The following MYLK variants were observed in gnomAD, a reference collection of about 807,000 sequenced individuals.
The protein encoded by MYLK is myosin light chain kinase, also known as myosin light chain kinase, smooth muscle.
In MYLK, 106 loss-of-function variants were observed where a neutral mutation model predicts 203.4. The observed-to-expected ratio is 0.52, with a 90% CI of 0.45 to 0.61. The LOEUF (loss-of-function observed/expected upper bound fraction) is 0.61, where lower values mean the gene tolerates loss of function less well. MYLK is among the 20% of genes least tolerant of loss of function. MYLK has a pLI of 0.00. For synonymous variants in MYLK, 867 were observed against 959.5 expected, an observed-to-expected ratio of 0.90 and a Z score of 1.78; for missense variants, 2,072 against 2,442.3, an observed-to-expected ratio of 0.85 and a Z score of 3.20.
chr3:123,812,106 C>CTA (rs1560248644), intron 3 of MYLK, among the ~76,000 whole-genome samples: 5 of 152,140 alleles, frequency 3.3e-5, no homozygotes, highest in Non-Finnish European at 5.9e-5. Flanking sequence ...TCAGAGTCAG[C>CTA]GATAGAGATT....
At chr3:123,810,361 T>C (rs1401262077) in intron 3 of MYLK, among the ~76,000 whole-genome samples, 2 of 151,902 alleles carry the variant, frequency 1.3e-5, no homozygotes, top group African/African-American at 2.4e-5. Context: ...GAACGAAGAG[T>C]TCAATCTGCA....
intron 24 of MYLK, among the ~76,000 whole-genome samples, chr3:123,650,084 C>G (rs1254391): frequency 6.6e-6 from 1 of 152,160 alleles, no homozygotes; most frequent in Non-Finnish European, 1.5e-5. Flanking sequence ...CAGCACAGCA[C>G]GCCCACTTCA....
chr3:123,864,249 A>C (rs2032158517), intron 2 of MYLK, among the ~76,000 whole-genome samples: 1 of 152,214 alleles, frequency 6.6e-6, no homozygotes, highest in Admixed American at 6.6e-5. Flanking sequence ...GTAATGTCCA[A>C]ATCTTGAAAG....
At chr3:123,626,395 GTC>G (rs1482231495) in intron 31 of MYLK, among the ~76,000 whole-genome samples, 1 of 152,220 alleles carries the variant, frequency 6.6e-6, no homozygotes, top group Non-Finnish European at 1.5e-5. Context: ...GTGGGACCAT[GTC>G]TCTCTCTTTA....
chr3:123,804,618 G>A (rs1037968605), intron 3 of MYLK, among the ~76,000 whole-genome samples: 1 of 152,170 alleles, frequency 6.6e-6, no homozygotes. Flanking sequence ...TTTCTGCAGG[G>A]AGCTGGTTCT....
chr3:123,836,830 G>T (rs186564739), intron 2 of MYLK, among the ~76,000 whole-genome samples: 7 of 152,164 alleles, frequency 4.6e-5, no homozygotes, highest in African/African-American at 1.7e-4. Flanking sequence ...TGACCACTAG[G>T]TAGAACTCAA....
rs200095645 is a variant in MYLK, at chr3:123,793,686, G to A, written c.156C>T (p.Phe52=). 5.0e-6 allele frequency: 8 copies of A among 1,614,086 alleles called. No homozygotes were observed. In the African/African-American group the frequency reaches 5.3e-5, roughly 11 times the overall value. Residue 52 remains phenylalanine (F), a synonymous_variant, in exon 4 of 34, where the codon TTC becomes TTT. Transcript: ENST00000360304. The part of the protein sequence containing the change: ...LCIKEGATAK[F]EGRVRGYPEP... Reference sequence around the variant, plus strand: ...CAGCCACACTTCTTACCCGCCCTTCGAACTTGGCGGTGGCTCCTTCTTTGA... The same window carrying A: ...CAGCCACACTTCTTACCCGCCCTTCAAACTTGGCGGTGGCTCCTTCTTTGA...
At chr3:123,703,763 G>A (rs2061343411) in intron 16 of MYLK, among the ~76,000 whole-genome samples, 1 of 152,214 alleles carries the variant, frequency 6.6e-6, no homozygotes, top group Non-Finnish European at 1.5e-5. Flanking sequence ...ACAGCCTTGT[G>A]GTGCCTGGGT....
intron 18 of MYLK, among the ~76,000 whole-genome samples, chr3:123,694,844 C>T (rs1291056170): frequency 6.6e-6 from 1 of 152,240 alleles, no homozygotes; most frequent in African/African-American, 2.4e-5. Flanking sequence ...GGCTTGGCTA[C>T]CCCAGATGAA....
intron 27 of MYLK, among the ~76,000 whole-genome samples, chr3:123,641,391 A>C (rs1323401858): frequency 6.6e-6 from 1 of 152,118 alleles, no homozygotes; most frequent in Non-Finnish European, 1.5e-5. Context: ...CTGGTAACTT[A>C]TGCAGCACCC....
intron 23 of MYLK, among the ~76,000 whole-genome samples, chr3:123,660,405 C>T (rs1437780165): frequency 6.6e-6 from 1 of 152,160 alleles, no homozygotes; most frequent in Admixed American, 6.5e-5. Flanking sequence ...TGAAAAGAGA[C>T]CTGCTTTTCT....
At chr3:123,697,538 G>A (rs1051489493) in intron 18 of MYLK, among the ~76,000 whole-genome samples, 3 of 152,152 alleles carry the variant, frequency 2.0e-5, no homozygotes, top group Non-Finnish European at 2.9e-5. Context: ...CATATAGCAC[G>A]GTGGTCTAGG....
At chr3:123,731,074 G>A (rs567335612) in intron 11 of MYLK, among the ~76,000 whole-genome samples, 1 of 152,204 alleles carries the variant, frequency 6.6e-6, no homozygotes, top group African/African-American at 2.4e-5. Context: ...CTCTGGATAC[G>A]CCATTAATCT....
At position 123,682,296 on chromosome 3, in the gene MYLK, C is replaced by A; in HGVS notation, c.3580G>T (p.Glu1194Ter). 6.2e-7 allele frequency: 1 copy of A among 1,601,600 alleles called. No homozygotes were observed. Among genetic ancestry groups the A allele is most frequent in the Admixed American group, 1.7e-5 (1 of 58,148 alleles). The stretch of plus-strand genomic sequence containing the variant: ...TTCATCTCTGGGGCCTTGGTGTTCT[C>A]ACTGGCTGGAGCATCTGGAATGAAA... ...QVTVDDAPAS[E>*]NTKAPEMKSR... The change falls in exon 20 of 34, where the codon GAG becomes TAG. Residue 1194 changes from glutamate to a stop codon, truncating the protein, a stop_gained. Transcript: ENST00000360304. LOFTEE classifies it high-confidence loss of function.
At chr3:123,616,042 G>A (rs983119378) in intron 33 of MYLK, among the ~76,000 whole-genome samples, 2 of 152,140 alleles carry the variant, frequency 1.3e-5, no homozygotes, top group African/African-American at 4.8e-5. Context: ...TTTTTGGAGT[G>A]ATGAAAATGT....
chr3:123,858,946 C>T (rs2031657071), intron 2 of MYLK, among the ~76,000 whole-genome samples: 1 of 152,134 alleles, frequency 6.6e-6, no homozygotes, highest in Non-Finnish European at 1.5e-5. Context: ...GTCCCTAAAA[C>T]CGGTTATGCC....
chr3:123,801,289 G>T (rs1198231784), intron 3 of MYLK, among the ~76,000 whole-genome samples: 2 of 152,170 alleles, frequency 1.3e-5, no homozygotes, highest in Non-Finnish European at 2.9e-5. Flanking sequence ...GGCACATTTT[G>T]AGAACCACCA....
At chr3:123,616,728 A>G (rs1279002994) in intron 33 of MYLK, 2 of 152,094 alleles carry the variant, frequency 1.3e-5, no homozygotes, top group Non-Finnish European at 2.9e-5. Context: ...CTGTCATTTC[A>G]TGCGGATCTG....
intron 13 of MYLK, among the ~76,000 whole-genome samples, chr3:123,718,081 C>T (rs557686996): frequency 7.9e-5 from 12 of 152,030 alleles, no homozygotes; most frequent in African/African-American, 2.7e-4. Context: ...AAGGTGGTCT[C>T]GAACTCCTCG....
Sources: gnomAD v4.1 joint callset for allele counts (sites outside exome capture counted in the v4.1 genomes callset) on GRCh38, gnomAD v4.1.1 for gene constraint, MANE v1.5 for transcripts, NCBI Gene and HGNC (gene_info 2026-07-23, HGNC 2026-07-21) for gene names.